Variants in TENT4A observed in about 807,000 individuals in gnomAD.
TENT4A encodes terminal nucleotidyltransferase 4A.
In TENT4A, 7 loss-of-function variants were observed where a neutral mutation model predicts 72.8. The observed-to-expected ratio is 0.10, with a 90% CI of 0.05 to 0.18. The LOEUF (loss-of-function observed/expected upper bound fraction) is 0.18. TENT4A is among the 10% of genes least tolerant of loss of function. The probability of loss-of-function intolerance (pLI) is 1.00; values close to 1 mark genes in which losing one functional copy is unlikely to be tolerated. For missense variants in TENT4A, 831 were observed against 1,017.7 expected, an observed-to-expected ratio of 0.82 and a Z score of 2.50; for synonymous variants, 456 against 434.3, an observed-to-expected ratio of 1.05 and a Z score of -0.62.
chr5:6,724,441 G>A (rs1334516904), intron 1 of TENT4A, among the ~76,000 whole-genome samples: 1 of 152,234 alleles, frequency 6.6e-6, no homozygotes, highest in Non-Finnish European at 1.5e-5. Flanking sequence ...GAATTCTAAA[G>A]TGTCATTATG....
Position 6,749,616 on chromosome 5 carries a change from A to C in TENT4A, c.1646A>C (p.Lys549Thr), listed in dbSNP as rs1422064584. 1 of 1,613,928 alleles carries C rather than the reference A, an allele frequency of 6.2e-7. No homozygotes were observed. Among genetic ancestry groups the C allele is most frequent in the Non-Finnish European group, 8.5e-7 (1 of 1,179,916 alleles). ...QEVIDYRRWI[K>T]EKWGSKAHPS... ...GTGATTGACTACCGGAGGTGGATCAAAGAGAAGTGGGGCAGCAAAGCCCAC... is the reference window on the plus strand; with the variant it reads ...GTGATTGACTACCGGAGGTGGATCACAGAGAAGTGGGGCAGCAAAGCCCAC... The change falls in exon 9 of 13, where the codon AAA becomes ACA. Residue 549 changes from lysine (K) to threonine (T), a missense_variant. Around this residue, in one of 3 missense-constraint regions of TENT4A, gnomAD observed 197 missense variants for 399.6 expected, o/e 0.49. Coordinates refer to ENST00000230859, the MANE Select transcript of TENT4A (RefSeq NM_006999.6).
intron 1 of TENT4A, among the ~76,000 whole-genome samples, chr5:6,733,405 G>A (rs1273504157): frequency 6.6e-6 from 1 of 152,268 alleles, no homozygotes; most frequent in African/African-American, 2.4e-5. Flanking sequence ...GGCTCTCACT[G>A]TGTCCTCCTG....
At chr5:6,731,360 C>G (rs1178135693) in intron 1 of TENT4A, among the ~76,000 whole-genome samples, 1 of 152,104 alleles carries the variant, frequency 6.6e-6, no homozygotes, top group Non-Finnish European at 1.5e-5. Flanking sequence ...CACTTTTTCC[C>G]TAGAATTCAG....
rs1740264398 is a variant in TENT4A at position 6,714,620 on chromosome 5, G to A, written c.637G>A (p.Gly213Arg). 8.3e-7 allele frequency: 1 copy of A among 1,198,474 alleles called. No homozygotes were observed. Among genetic ancestry groups the A allele is most frequent in the Non-Finnish European group, 1.0e-6 (1 of 966,360 alleles). 74.2% of individuals were successfully genotyped at this position (1,198,474 alleles called of 1,614,324 possible). ...CGGCAGCCGCGCGGCCGCTCTCAGC[G>A]GAGGGGGCGGCCCCGGGGCCCAGGC... ...LSGSRAAALS[G>R]GGGPGAQAPR... is the part of the protein sequence containing the mutation. Residue 213 changes from glycine to arginine, a missense_variant, in exon 1 of 13, where the codon GGA becomes AGA. Physicochemically the swap from Gly to Arg is moderately radical, Grantham distance 125. Transcript: ENST00000230859.
chr5:6,739,810 C>T lies in TENT4A; in HGVS notation c.966C>T (p.Asn322=), dbSNP rs532305230. 4.0e-5 allele frequency: 65 copies of T among 1,614,068 alleles called. No individual in the cohort carries two copies. The highest frequency in any genetic ancestry group is 6.6e-5 in the South Asian group (6 of 91,090). Reference sequence around the variant, plus strand: ...TGGAGCAAGCCCTGCGGAAGCACAACGTGGCTGAGCCGTGTTCCATCAAAG... The same window carrying T: ...TGGAGCAAGCCCTGCGGAAGCACAATGTGGCTGAGCCGTGTTCCATCAAAG... ...QLLEQALRKH[N]VAEPCSIKVL... The change falls in exon 4 of 13, where the codon AAC becomes AAT. Residue 322 remains asparagine (N), a synonymous_variant. Coordinates refer to ENST00000230859, the MANE Select transcript of TENT4A (RefSeq NM_006999.6).
At chr5:6,723,399 C>T (rs1330247605) in intron 1 of TENT4A, among the ~76,000 whole-genome samples, 1 of 151,492 alleles carries the variant, frequency 6.6e-6, no homozygotes, top group African/African-American at 2.4e-5. Flanking sequence ...CATTGTGGCT[C>T]GTGTGTGGGG....
At chr5:6,747,710 T>A (rs1742183902) in intron 7 of TENT4A, among the ~76,000 whole-genome samples, 1 of 152,228 alleles carries the variant, frequency 6.6e-6, no homozygotes, top group Non-Finnish European at 1.5e-5. Flanking sequence ...ACATAATCGT[T>A]GAGTTATAAT....
Position 6,719,201 on chromosome 5 carries a change from G to A in TENT4A, c.716+4502G>A, listed in dbSNP as rs56102408. ...AAGGTAAAGTCTCAAACGTTCTTTG[G>A]TCACTATTTAATATGAGATTTTGTC... On this transcript the variant is annotated intron_variant, in intron 1 of 12. Coordinates refer to ENST00000230859, the MANE Select transcript of TENT4A (RefSeq NM_006999.6). 9.3e-3 allele frequency among the ~76,000 whole-genome samples: 1,410 copies of A among 152,246 alleles called. 5 individuals carry two copies. The highest frequency in any genetic ancestry group is 0.016 in the Non-Finnish European group (1,059 of 68,012).
intron 4 of TENT4A, among the ~76,000 whole-genome samples, chr5:6,741,006 C>T (rs950001641): frequency 6.6e-6 from 1 of 152,174 alleles, no homozygotes; most frequent in Non-Finnish European, 1.5e-5. Context: ...TCTGCTGCTC[C>T]TCTGTGTGTG....
At position 6,755,731 on chromosome 5, in the gene TENT4A, G is replaced by T. The variant is rs529089388; in HGVS notation, c.*786G>T. On this transcript the variant is annotated 3_prime_UTR_variant, in exon 13 of 13. Transcript: ENST00000230859. ...TCCAGAGCCACCTGGCAGACTGCCC[G>T]TGGCCCTGCTGTCGGGCCCCAGGCC... The T allele has an allele frequency of 6.6e-6, 1 of 152,254 alleles. No homozygotes were observed. 9.4% of individuals were successfully genotyped at this position (152,254 alleles called of 1,614,324 possible).
chr5:6,750,901 C>G, intron 10 of TENT4A, 138 bp from the exon 11 acceptor site: 1 of 882,080 alleles, frequency 1.1e-6, no homozygotes, highest in Non-Finnish European at 1.8e-6. Context: ...TTTGGGCTGC[C>G]TGTTCAGAAG....
intron 1 of TENT4A, among the ~76,000 whole-genome samples, chr5:6,727,592 T>C (rs1231780245): frequency 1.3e-5 from 2 of 152,164 alleles, no homozygotes; most frequent in Non-Finnish European, 2.9e-5. Flanking sequence ...TGTGCCAGAG[T>C]GCTGTCCCCT....
intron 1 of TENT4A, among the ~76,000 whole-genome samples, chr5:6,724,984 A>C (rs1740838001): frequency 6.6e-6 from 1 of 152,226 alleles, no homozygotes; most frequent in Non-Finnish European, 1.5e-5. Context: ...TAGCCACTGG[A>C]AATGTAGAGC....
At chr5:6,742,061 G>T (rs1007817215) in intron 4 of TENT4A, among the ~76,000 whole-genome samples, 7 of 152,190 alleles carry the variant, frequency 4.6e-5, no homozygotes, top group Non-Finnish European at 1.0e-4. Context: ...ACCCAAAGTA[G>T]AGAAACAATA....
intron 12 of TENT4A, among the ~76,000 whole-genome samples, chr5:6,753,547 C>G (rs576808933): frequency 6.6e-6 from 1 of 152,328 alleles, no homozygotes; most frequent in Non-Finnish European, 1.5e-5. Flanking sequence ...CCTCTCAAGT[C>G]CAGCTGTGTG....
chr5:6,748,779 G>A (rs1742242344), intron 8 of TENT4A, among the ~76,000 whole-genome samples, 189 bp downstream of exon 8: 1 of 152,202 alleles, frequency 6.6e-6, no homozygotes, highest in African/African-American at 2.4e-5. Flanking sequence ...ATCCATGGTT[G>A]AGAGTTGAAA....
chr5:6,737,652 GTTCTGTGT>G lies in TENT4A; in HGVS notation c.840+20_840+27del. Reference sequence around the variant, plus strand: ...GGCTGATGTGAGTATGTTCTTTGGAGTTCTGTGTCGCACGTCACGTGCGAGTAAATTTA... The same window carrying G: ...GGCTGATGTGAGTATGTTCTTTGGAGCGCACGTCACGTGCGAGTAAATTTA... On this transcript the variant is annotated intron_variant, in intron 2 of 12. Transcript: ENST00000230859. 2 of 1,609,564 alleles carry G rather than the reference GTTCTGTGT, an allele frequency of 1.2e-6. No individual in the cohort carries two copies. Among genetic ancestry groups the G allele is most frequent in the Non-Finnish European group, 1.7e-6 (2 of 1,178,654 alleles).
chr5:6,742,657 G>A, intron 5 of TENT4A, 60 bp downstream of exon 5: 2 of 938,640 alleles, frequency 2.1e-6, no homozygotes, highest in Non-Finnish European at 3.5e-6. Context: ...TGTGCTTGGT[G>A]GCATCCTACG....
rs1281088238 is a variant in TENT4A, at chr5:6,714,714, A to AGGCCGC, written c.716+18_716+23dup. 7 of 1,044,558 alleles carry AGGCCGC rather than the reference A, an allele frequency of 6.7e-6. No homozygotes were observed. Among genetic ancestry groups the AGGCCGC allele is most frequent in the Non-Finnish European group, 8.4e-6 (7 of 836,608 alleles). 64.7% of individuals were successfully genotyped at this position (1,044,558 alleles called of 1,614,324 possible). A position where few individuals can be genotyped will look rare whatever the true frequency, so the allele number is the denominator to read the frequency against. On this transcript the variant is annotated intron_variant, in intron 1 of 12. Transcript: ENST00000230859. ...GGCATCCAGGGGTGAGTGCGCGGGG[A>AGGCCGC]GGCCGCGGGGGCGGGGGCGGGGCCC...
Sources: gnomAD v4.1 joint callset for allele counts (sites outside exome capture counted in the v4.1 genomes callset) on GRCh38, gnomAD v4.1.1 for gene constraint, gnomAD v4.1.1 regional missense constraint, MANE v1.5 for transcripts, NCBI Gene and HGNC (gene_info 2026-07-23, HGNC 2026-07-21) for gene names.